ARHGAP15: variants seen among roughly 807,000 people sequenced by gnomAD.
ARHGAP15 encodes rho GTPase-activating protein 15.
In ARHGAP15, 51 loss-of-function variants were observed where a neutral mutation model predicts 63.7. That is an observed-to-expected ratio of 0.80 (90% CI 0.64 to 1.01). ARHGAP15 has a LOEUF of 1.01. Among genes scored for constraint, ARHGAP15 ranks in the 50% least tolerant of loss-of-function variants. The pLI is 0.00. For synonymous variants in ARHGAP15, 191 were observed against 193.8 expected (o/e 0.99, Z 0.12); for missense variants, 560 against 564.6 (o/e 0.99, Z 0.08).
chr2:143,746,293 C>CA (rs35276309), intron 13 of ARHGAP15, among the ~76,000 whole-genome samples: 49,785 of 150,382 alleles, frequency 0.33, 9,735 homozygotes, highest in East Asian at 0.48. Flanking sequence ...ATTCCTTTTT[C>CA]AAAAAAAAAC....
intron 8 of ARHGAP15, among the ~76,000 whole-genome samples, chr2:143,480,947 T>C (rs1005745721): frequency 1.3e-5 from 2 of 152,150 alleles, no homozygotes; most frequent in Non-Finnish European, 2.9e-5. Flanking sequence ...TTTATGTAAT[T>C]TGGAAAGTAG....
rs970087838 is a variant in ARHGAP15 at position 143,693,329 on chromosome 2, C to T, written c.1139-10090C>T. Among the ~76,000 whole-genome samples, 14 of 152,290 alleles carry T rather than the reference C, an allele frequency of 9.2e-5. 1 individual carries two copies. The highest frequency in any genetic ancestry group is 1.2e-4 in the African/African-American group (5 of 41,566). Reference sequence around the variant, plus strand: ...TAGTATAAAATATCCCACAAAGTCCCGTTTGTGATCCATTTGAAACAATCT... The same window carrying T: ...TAGTATAAAATATCCCACAAAGTCCTGTTTGTGATCCATTTGAAACAATCT... On this transcript the variant is annotated intron_variant, in intron 12 of 13. Transcript: ENST00000295095.
In ARHGAP15 at chr2:143,199,549, T is replaced by C. The variant is rs191456519; in HGVS notation, c.166-2585T>C. On this transcript the variant is annotated intron_variant, in intron 2 of 13. Coordinates refer to ENST00000295095, the MANE Select transcript of ARHGAP15 (RefSeq NM_018460.4). ...TGCAACTTCATCCCTCCGTAGGGCC[T>C]TGTTCATTGTTTTCCCAGCCAGGGT... Among the ~76,000 whole-genome samples, 5 of 152,184 alleles carry C rather than the reference T, an allele frequency of 3.3e-5. No individual in the cohort carries two copies. The East Asian group carries it at 9.7e-4, about 30-fold the overall frequency.
chr2:143,746,518 TCAGA>T (rs1460887865), intron 13 of ARHGAP15, among the ~76,000 whole-genome samples: 1 of 152,214 alleles, frequency 6.6e-6, no homozygotes. Flanking sequence ...TCACTTCTGT[TCAGA>T]CAGTCCCTTT....
intron 13 of ARHGAP15, among the ~76,000 whole-genome samples, chr2:143,721,394 T>G (rs1039298146): frequency 6.6e-6 from 1 of 152,158 alleles, no homozygotes; most frequent in Non-Finnish European, 1.5e-5. Flanking sequence ...CAGAATGGCT[T>G]TTTCCATGGG....
chr2:143,547,293 A>T (rs1695373787), intron 10 of ARHGAP15, among the ~76,000 whole-genome samples: 1 of 152,156 alleles, frequency 6.6e-6, no homozygotes, highest in African/African-American at 2.4e-5. Flanking sequence ...ACCAGGTATT[A>T]AGGTACATAA....
chr2:143,527,086 T>C (rs1359905392), intron 10 of ARHGAP15, among the ~76,000 whole-genome samples: 2 of 152,108 alleles, frequency 1.3e-5, no homozygotes, highest in Non-Finnish European at 2.9e-5. Flanking sequence ...TCCTAAAGCA[T>C]GATGTTCTTT....
chr2:143,163,465 A>T (rs1690377765), intron 2 of ARHGAP15, among the ~76,000 whole-genome samples: 2 of 151,818 alleles, frequency 1.3e-5, no homozygotes, highest in South Asian at 2.1e-4. Context: ...ATGTATTTGT[A>T]TATAATTTAT....
At chr2:143,275,970 G>T (rs895605261) in intron 6 of ARHGAP15, among the ~76,000 whole-genome samples, 5 of 152,300 alleles carry the variant, frequency 3.3e-5, no homozygotes, top group African/African-American at 1.2e-4. Flanking sequence ...GGGCAGCTTT[G>T]TTAGACAACT....
chr2:143,474,515 A>G (rs1691724397), intron 8 of ARHGAP15, among the ~76,000 whole-genome samples: 1 of 152,224 alleles, frequency 6.6e-6, no homozygotes, highest in Non-Finnish European at 1.5e-5. Flanking sequence ...ACCTCGAACA[A>G]CAGAACTGTC....
At chr2:143,596,277 T>C (rs773516741) in intron 11 of ARHGAP15, among the ~76,000 whole-genome samples, 34 of 152,168 alleles carry the variant, frequency 2.2e-4, no homozygotes, top group Admixed American at 3.9e-4. Context: ...ACCCATATTA[T>C]TGTCTTTGTG....
At chr2:143,294,136 T>G (rs898533901) in intron 6 of ARHGAP15, among the ~76,000 whole-genome samples, 1 of 152,004 alleles carries the variant, frequency 6.6e-6, no homozygotes, top group Non-Finnish European at 1.5e-5. Flanking sequence ...TCTAAGACAG[T>G]CTCTGTTGTT....
At chr2:143,755,333 G>A (rs996074683) in intron 13 of ARHGAP15, among the ~76,000 whole-genome samples, 4 of 151,762 alleles carry the variant, frequency 2.6e-5, no homozygotes, top group Non-Finnish European at 5.9e-5. Context: ...GTAGAATTAT[G>A]AGGGATTCTT....
intron 11 of ARHGAP15, among the ~76,000 whole-genome samples, chr2:143,605,858 C>CAAAAAAAAAAAAAAAAA (rs373847590): frequency 2.0e-4 from 17 of 85,300 alleles, no homozygotes; most frequent in South Asian, 4.9e-4. Flanking sequence ...TACTAAAATA[C>CAAAAAAAAAAAAAAAAA]AAAAAAAAAA....
At chr2:143,485,213 G>A (rs1392558974) in intron 8 of ARHGAP15, among the ~76,000 whole-genome samples, 1 of 152,104 alleles carries the variant, frequency 6.6e-6, no homozygotes, top group Non-Finnish European at 1.5e-5. Flanking sequence ...ACATGCATTA[G>A]GTATTTGTCC....
chr2:143,264,812 A>AT (rs1680908019), intron 6 of ARHGAP15, among the ~76,000 whole-genome samples: 1 of 152,174 alleles, frequency 6.6e-6, no homozygotes, highest in Non-Finnish European at 1.5e-5. Context: ...TTCAACCGGT[A>AT]TTAACGGACC....
chr2:143,535,188 G>A (rs924417467), intron 10 of ARHGAP15, among the ~76,000 whole-genome samples: 1 of 152,144 alleles, frequency 6.6e-6, no homozygotes, highest in African/African-American at 2.4e-5. Flanking sequence ...CAGGAAGGGA[G>A]AAACTTTGGA....
intron 6 of ARHGAP15, among the ~76,000 whole-genome samples, chr2:143,407,523 AAAC>A (rs939114886): frequency 2.0e-5 from 3 of 151,938 alleles, no homozygotes; most frequent in Non-Finnish European, 1.5e-5. Flanking sequence ...GTGGAAATGA[AAAC>A]AACAGCAACA....
intron 6 of ARHGAP15, among the ~76,000 whole-genome samples, chr2:143,391,893 ATGT>A (rs1355322063): frequency 1.3e-5 from 2 of 152,216 alleles, no homozygotes; most frequent in Non-Finnish European, 2.9e-5. Context: ...GACATTTATC[ATGT>A]TGTCATTGGA....
Sources: gnomAD v4.1 joint callset for allele counts (sites outside exome capture counted in the v4.1 genomes callset) on GRCh38, gnomAD v4.1.1 for gene constraint, MANE v1.5 for transcripts, NCBI Gene and HGNC (gene_info 2026-07-23, HGNC 2026-07-21) for gene names.